GRB14: variants seen among roughly 807,000 people sequenced by gnomAD.
GRB14 encodes growth factor receptor-bound protein 14.
Under a neutral mutation model 69.1 loss-of-function variants are expected in GRB14, and 38 were observed. That is an observed-to-expected ratio of 0.55 (90% CI 0.42 to 0.72). The LOEUF is 0.72. Ranked by LOEUF, GRB14 falls within the 30% of genes least tolerant of loss-of-function variation. GRB14 has a pLI of 0.00. For synonymous variants in GRB14, 247 were observed against 241.3 expected (o/e 1.02, Z -0.22); for missense variants, 666 against 666.1 (o/e 1.00, Z 0.00).
chr2:164,579,130 T>A (rs1195542331), intron 2 of GRB14, among the ~76,000 whole-genome samples: 1 of 152,184 alleles, frequency 6.6e-6, no homozygotes. Context: ...AAATCCTTAC[T>A]TAACATTGTC....
intron 2 of GRB14, among the ~76,000 whole-genome samples, chr2:164,565,336 G>GTT (rs1298959300): frequency 6.6e-6 from 1 of 151,838 alleles, no homozygotes; most frequent in African/African-American, 2.4e-5. Context: ...TGAATAAAAT[G>GTT]TTTTCTATGC....
At chr2:164,528,596 A>G (rs982706966) in intron 3 of GRB14, among the ~76,000 whole-genome samples, 2 of 152,084 alleles carry the variant, frequency 1.3e-5, no homozygotes, top group African/African-American at 4.8e-5. Flanking sequence ...GTATATATCA[A>G]CACTTGGGGT....
chr2:164,524,953 T>C, intron 5 of GRB14, 51 bp downstream of exon 5: 1 of 1,002,986 alleles, frequency 1.0e-6, no homozygotes. Context: ...GACTTAAAAG[T>C]TTTCCTTCAT....
chr2:164,613,406 C>T (rs1690212651), intron 2 of GRB14, among the ~76,000 whole-genome samples: 1 of 152,032 alleles, frequency 6.6e-6, no homozygotes, highest in African/African-American at 2.4e-5. Context: ...GCCCACTGTC[C>T]CCTTGGCCAC....
chr2:164,501,590 G>T (rs1467133990), intron 9 of GRB14, among the ~76,000 whole-genome samples: 2 of 152,094 alleles, frequency 1.3e-5, no homozygotes, highest in Admixed American at 1.3e-4. Context: ...AGATGTGTCT[G>T]TGTGTGTCTG....
intron 2 of GRB14, among the ~76,000 whole-genome samples, chr2:164,589,559 A>T (rs1405081245): frequency 6.6e-6 from 1 of 152,046 alleles, no homozygotes; most frequent in East Asian, 1.9e-4. Context: ...GAGAGAAAGG[A>T]GGTGTCAGGC....
rs938386731 is a variant in GRB14, at chr2:164,586,969, A to G, written c.324+32718T>C. Among the ~76,000 whole-genome samples, 18 of 152,208 alleles carry G rather than the reference A, an allele frequency of 1.2e-4. 1 individual carries two copies. The highest frequency in any genetic ancestry group is 1.5e-5 in the Non-Finnish European group (1 of 68,038). On this transcript the variant is annotated intron_variant, in intron 2 of 13. Transcript: ENST00000263915. Reference sequence around the variant, plus strand: ...GAAGAAAGAAAATAATGAAACACATAATTTTCTCTTTGCTGAATAAAAGAC... The same window carrying G: ...GAAGAAAGAAAATAATGAAACACATGATTTTCTCTTTGCTGAATAAAAGAC...
intron 2 of GRB14, among the ~76,000 whole-genome samples, chr2:164,580,619 G>A (rs554667997): frequency 1.4e-4 from 21 of 151,848 alleles, no homozygotes; most frequent in Admixed American, 3.9e-4. Context: ...CAGGAGAATC[G>A]CTTGAACCCG....
At chr2:164,537,149 T>C (rs1473539151) in intron 3 of GRB14, among the ~76,000 whole-genome samples, 1 of 152,142 alleles carries the variant, frequency 6.6e-6, no homozygotes, top group African/African-American at 2.4e-5. Flanking sequence ...AGGCTGAGCA[T>C]GGGATGCCTC....
At chr2:164,499,616 A>C (rs1003344492) in intron 9 of GRB14, among the ~76,000 whole-genome samples, 9 of 152,160 alleles carry the variant, frequency 5.9e-5, no homozygotes, top group African/African-American at 2.2e-4. Flanking sequence ...GCCCTAAAAA[A>C]GGGGTCCATG....
intron 2 of GRB14, among the ~76,000 whole-genome samples, chr2:164,548,202 A>C (rs529952381): frequency 1.3e-5 from 2 of 152,164 alleles, no homozygotes; most frequent in African/African-American, 2.4e-5. Context: ...TTTGTTCTCT[A>C]TCTCTGCATA....
chr2:164,597,974 T>C (rs1318794817), intron 2 of GRB14, among the ~76,000 whole-genome samples: 1 of 151,904 alleles, frequency 6.6e-6, no homozygotes, highest in East Asian at 1.9e-4. Flanking sequence ...TGACTTGAAC[T>C]AAGAAATTTA....
At chr2:164,524,862 T>A (rs996768276) in intron 5 of GRB14, 142 bp downstream of exon 5, 1 of 531,674 alleles carries the variant, frequency 1.9e-6, no homozygotes, top group Non-Finnish European at 3.3e-6. Flanking sequence ...GGTGCATTTT[T>A]TTTTTAGTTT....
At chr2:164,615,425 G>A (rs926142679) in intron 2 of GRB14, among the ~76,000 whole-genome samples, 1 of 152,134 alleles carries the variant, frequency 6.6e-6, no homozygotes, top group Non-Finnish European at 1.5e-5. Flanking sequence ...AATGGCGTTT[G>A]TCTCCCCTGT....
intron 2 of GRB14, among the ~76,000 whole-genome samples, chr2:164,581,877 T>C (rs940122920): frequency 3.3e-5 from 5 of 152,270 alleles, no homozygotes; most frequent in Admixed American, 1.3e-4. Flanking sequence ...ACACTAAACT[T>C]TCCCTCCAGC....
chr2:164,593,737 A>C (rs1574340985), intron 2 of GRB14, among the ~76,000 whole-genome samples: 1 of 152,206 alleles, frequency 6.6e-6, no homozygotes, highest in East Asian at 1.9e-4. Flanking sequence ...CGGCAGGGGC[A>C]GAACAGAGGC....
chr2:164,567,394 T>C (rs1689003969), intron 2 of GRB14, among the ~76,000 whole-genome samples: 1 of 152,166 alleles, frequency 6.6e-6, no homozygotes, highest in Non-Finnish European at 1.5e-5. Flanking sequence ...ATGTTTCAAA[T>C]AAATTGCAAC....
intron 2 of GRB14, among the ~76,000 whole-genome samples, chr2:164,618,005 C>T (rs1051911280): frequency 6.2e-5 from 9 of 144,910 alleles, no homozygotes; most frequent in South Asian, 2.2e-4. Flanking sequence ...CTCGCTCTGT[C>T]GTTCAGAGTG....
At chr2:164,517,760 A>G (rs1232729575) in intron 6 of GRB14, among the ~76,000 whole-genome samples, 2 of 152,198 alleles carry the variant, frequency 1.3e-5, no homozygotes, top group African/African-American at 4.8e-5. Context: ...GCAGTTAAAA[A>G]AGACAAAGAG....
Sources: allele counts gnomAD v4.1 joint callset (sites outside exome capture counted in the v4.1 genomes callset), GRCh38; gene constraint gnomAD v4.1.1; transcripts MANE v1.5; gene names NCBI Gene and HGNC (gene_info 2026-07-23, HGNC 2026-07-21).